The following CFAP92 variants were observed in gnomAD, a reference collection of about 807,000 sequenced individuals.
CFAP92 encodes uncharacterized protein CFAP92.
A neutral mutation model predicts 106.3 loss-of-function variants in CFAP92; 86 were observed. That is an observed-to-expected ratio of 0.81 (90% CI 0.68 to 0.97). CFAP92 has a LOEUF of 0.97. Ranked by LOEUF, CFAP92 falls within the 50% of genes least tolerant of loss-of-function variation. The pLI is 0.00. For synonymous variants in CFAP92, 477 were observed against 506.4 expected (o/e 0.94, Z 0.78); for missense variants, 1,204 against 1,283.8 (o/e 0.94, Z 0.95).
intron 7 of CFAP92, among the ~76,000 whole-genome samples, chr3:128,972,264 C>T (rs1434535770): frequency 2.0e-5 from 3 of 149,844 alleles, no homozygotes; most frequent in East Asian, 3.9e-4. Flanking sequence ...TTTTTTGAGA[C>T]GGAGTTTCAC....
At chr3:128,959,869 G>T (rs1218815813) in intron 9 of CFAP92, among the ~76,000 whole-genome samples, 1 of 152,156 alleles carries the variant, frequency 6.6e-6, no homozygotes, top group Non-Finnish European at 1.5e-5. Context: ...TGACTTGCAC[G>T]TATACATCCA....
chr3:128,925,977 T>TA (rs1218122600), intron 12 of CFAP92, among the ~76,000 whole-genome samples: 22 of 152,160 alleles, frequency 1.4e-4, no homozygotes, highest in Non-Finnish European at 4.4e-5. Flanking sequence ...AATTAACTGA[T>TA]ACTCACAAAC....
At chr3:128,960,398 C>T (rs138679628) in intron 9 of CFAP92, among the ~76,000 whole-genome samples, 72 of 152,332 alleles carry the variant, frequency 4.7e-4, no homozygotes, top group African/African-American at 1.6e-3. Context: ...ATTTCAAATC[C>T]GGTAAGCGGC....
upstream of CFAP92, among the ~76,000 whole-genome samples, chr3:129,004,672 G>A (rs1944991151): frequency 6.6e-6 from 1 of 152,060 alleles, no homozygotes; most frequent in South Asian, 2.1e-4. Context: ...ATAGCTTACA[G>A]TTACTAAGCA....
At chr3:128,941,291 C>T (rs1433564757) in intron 10 of CFAP92, among the ~76,000 whole-genome samples, 1 of 152,012 alleles carries the variant, frequency 6.6e-6, no homozygotes, top group Non-Finnish European at 1.5e-5. Context: ...TCTGAACATA[C>T]TTTTGGTATT....
chr3:128,995,933 T>C (rs767857999), upstream of CFAP92, among the ~76,000 whole-genome samples: 39 of 152,184 alleles, frequency 2.6e-4, no homozygotes, highest in South Asian at 8.3e-4. Flanking sequence ...TCCCACCCAG[T>C]TGGGGGGTCT....
At chr3:129,006,874 C>T (rs1945097369), upstream of CFAP92, among the ~76,000 whole-genome samples, 1 of 152,164 alleles carries the variant, frequency 6.6e-6, no homozygotes. Context: ...GACTGACCTG[C>T]CCCAAAGCTC....
chr3:128,920,579 A>C (rs1299016959), intron 12 of CFAP92, among the ~76,000 whole-genome samples: 2 of 152,078 alleles, frequency 1.3e-5, no homozygotes, highest in Non-Finnish European at 2.9e-5. Context: ...TGTTGGGGAA[A>C]AGCTGAGTGT....
intron 5 of CFAP92, among the ~76,000 whole-genome samples, chr3:128,977,426 CA>C (rs1477948646): frequency 6.6e-5 from 10 of 152,194 alleles, no homozygotes; most frequent in African/African-American, 2.4e-4. Flanking sequence ...GTCTGCCCAG[CA>C]GATGAAATAC....
chr3:128,985,873 T>A (rs577541627), intron 4 of CFAP92, among the ~76,000 whole-genome samples: 2 of 152,346 alleles, frequency 1.3e-5, no homozygotes, highest in South Asian at 2.1e-4. Flanking sequence ...CCAGGGAACA[T>A]CTGGCAATGT....
rs1361841937 is a variant in CFAP92 at position 128,915,596 on chromosome 3, G to A, written c.2917-33C>T. The stretch of plus-strand genomic sequence containing the variant: ...TGGGGGCAGACAGGTTGGGGTGGAA[G>A]GGCTAATAGCAATCTTGGATTTATT... On this transcript the variant is annotated intron_variant, in intron 13 of 15. Coordinates refer to ENST00000645291, the MANE Select transcript of CFAP92 (RefSeq NM_001394090.1). 7 of 1,361,222 alleles carry A rather than the reference G, an allele frequency of 5.1e-6. No homozygotes were observed. The Admixed American group carries it at 1.1e-4, about 21-fold the overall frequency. The allele number at this position is 1,361,222 out of a possible 1,614,324, so 84.3% of individuals were successfully genotyped here. A position where few individuals can be genotyped will look rare whatever the true frequency, so the allele number is the denominator to read the frequency against.
intron 11 of CFAP92, among the ~76,000 whole-genome samples, chr3:128,934,106 C>A (rs1457523732): frequency 6.7e-6 from 1 of 149,392 alleles, no homozygotes; most frequent in Non-Finnish European, 1.5e-5. Context: ...CGTGCCCCCG[C>A]TGGGTCCCAG....
At chr3:128,941,628 C>T (rs1939644313) in intron 10 of CFAP92, among the ~76,000 whole-genome samples, 2 of 152,044 alleles carry the variant, frequency 1.3e-5, no homozygotes, top group South Asian at 4.1e-4. Context: ...AAGCATGTGC[C>T]ACCACGCCCA....
chr3:128,931,574 A>G (rs1029582505), intron 12 of CFAP92, among the ~76,000 whole-genome samples: 3 of 150,916 alleles, frequency 2.0e-5, no homozygotes, highest in Non-Finnish European at 2.9e-5. Flanking sequence ...TGAATGAAAT[A>G]GCCAACTAGA....
At chr3:129,003,822 C>T (rs1944922354), upstream of CFAP92, 12 of 1,466,128 alleles carry the variant, frequency 8.2e-6, no homozygotes, top group Middle Eastern at 2.0e-4. Context: ...CAGGCGAGCA[C>T]CCACGAGATG....
chr3:128,945,606 G>C lies in CFAP92; in HGVS notation c.1723C>G (p.Leu575Val), dbSNP rs886493027. Reference sequence around the variant, plus strand: ...GCCAGATTCAAGTACTTGTGGCCAAGGAGGAGGTCAGCAAAACTGACCTGG... The same window carrying C: ...GCCAGATTCAAGTACTTGTGGCCAACGAGGAGGTCAGCAAAACTGACCTGG... Reference protein sequence around the residue: ...IAQVSFADLLLGHKYLNLAVP... With the variant: ...IAQVSFADLLVGHKYLNLAVP... Residue 575 changes from leucine to valine, a missense_variant, in exon 10 of 16, where the codon CTT becomes GTT. Physicochemically the swap from Leu to Val is conservative, Grantham distance 32 (BLOSUM62 1). Transcript: ENST00000645291. The C allele has an allele frequency of 2.6e-6, 4 of 1,536,048 alleles. No individual in the cohort carries two copies. The African/African-American group carries it at 5.5e-5, about 21-fold the overall frequency.
rs1465440052 is a variant in CFAP92 at position 128,932,934 on chromosome 3, G to A, written c.2517C>T (p.Pro839=). The change falls in exon 12 of 16, where the codon CCC becomes CCT. Residue 839 remains proline (P), a synonymous_variant. Transcript: ENST00000645291. The stretch of plus-strand genomic sequence containing the variant: ...TCAAGTCTTTTATCATAGCAGAGGA[G>A]GGCAGCAGGTCCCTCACCGTCACGT... ...LWDVTVRDLL[P]SSAMIKDLSQ... The A allele has an allele frequency of 4.6e-6, 7 of 1,536,026 alleles. No individual in the cohort carries two copies. The highest frequency in any genetic ancestry group is 3.6e-5 in the South Asian group (3 of 84,062).
chr3:128,959,210 CAAAT>C (rs891094803), intron 9 of CFAP92, among the ~76,000 whole-genome samples: 5 of 150,960 alleles, frequency 3.3e-5, no homozygotes, highest in African/African-American at 4.9e-5. Context: ...AATTCTGCCT[CAAAT>C]AAATAAATAA....
intron 9 of CFAP92, among the ~76,000 whole-genome samples, chr3:128,958,600 C>T (rs1396433022): frequency 6.6e-6 from 1 of 152,184 alleles, no homozygotes; most frequent in Non-Finnish European, 1.5e-5. Flanking sequence ...GACACACAAG[C>T]AGTTTCAGAA....
Sources: allele counts gnomAD v4.1 joint callset (sites outside exome capture counted in the v4.1 genomes callset), GRCh38; gene constraint gnomAD v4.1.1; transcripts MANE v1.5; gene names NCBI Gene and HGNC (gene_info 2026-07-23, HGNC 2026-07-21).